The following TPH2 variants were observed in gnomAD, a reference collection of about 807,000 sequenced individuals.
TPH2 encodes the protein tryptophan 5-hydroxylase 2.
TPH2 carries 27 observed loss-of-function variants against 59.1 expected under a neutral mutation model. That is an observed-to-expected ratio of 0.46 (90% CI 0.34 to 0.63). TPH2 has a LOEUF of 0.63. Among genes scored for constraint, TPH2 ranks in the 30% least tolerant of loss-of-function variants. The pLI, the probability that TPH2 is intolerant of heterozygous loss-of-function variation, is 0.01. For missense variants in TPH2, 523 were observed against 588.3 expected (o/e 0.89, Z 1.15); for synonymous variants, 220 against 210.5 (o/e 1.05, Z -0.39).
chr12:71,945,938 A>G (rs1871186614), intron 4 of TPH2, among the ~76,000 whole-genome samples: 3 of 152,232 alleles, frequency 2.0e-5, no homozygotes, highest in Non-Finnish European at 4.4e-5. Flanking sequence ...AGGCTTCTGA[A>G]CATTAGAAAA....
chr12:71,949,953 T>C, intron 5 of TPH2, among the ~76,000 whole-genome samples: 1 of 152,142 alleles, frequency 6.6e-6, no homozygotes, highest in East Asian at 1.9e-4. Context: ...AACTGTGTTT[T>C]AATTTTAATT....
At chr12:72,007,431 T>C (rs1471009694) in intron 8 of TPH2, among the ~76,000 whole-genome samples, 1 of 152,158 alleles carries the variant, frequency 6.6e-6, no homozygotes, top group African/African-American at 2.4e-5. Flanking sequence ...AATAAAGCAA[T>C]AAATTTGGGG....
intron 8 of TPH2, among the ~76,000 whole-genome samples, chr12:72,005,690 A>G (rs1177077191): frequency 6.6e-6 from 1 of 152,188 alleles, no homozygotes; most frequent in Non-Finnish European, 1.5e-5. Flanking sequence ...GGGGTTTGTA[A>G]CTTTCAATCA....
At chr12:71,983,395 C>A (rs1360301826) in intron 7 of TPH2, among the ~76,000 whole-genome samples, 1 of 152,110 alleles carries the variant, frequency 6.6e-6, no homozygotes, top group East Asian at 1.9e-4. Context: ...TAAAAAAAAT[C>A]AATTGGGCCA....
chr12:71,964,807 T>G, intron 5 of TPH2: 1 of 918,716 alleles, frequency 1.1e-6, no homozygotes, highest in Non-Finnish European at 1.3e-6. Flanking sequence ...ACTTTAGGTT[T>G]AGGGGTACAT....
Position 72,022,385 on chromosome 12 carries a change from T to A in TPH2, c.1069-14T>A. ...ATTGACCAGTTCACTGAATATGTGTTCGTTTTTCTTCAGTGCTATTTCTTC... is the reference window on the plus strand; with the variant it reads ...ATTGACCAGTTCACTGAATATGTGTACGTTTTTCTTCAGTGCTATTTCTTC... On this transcript the variant is annotated splice_polypyrimidine_tract_variant and intron_variant, in intron 8 of 10. Coordinates refer to ENST00000333850, the MANE Select transcript of TPH2 (RefSeq NM_173353.4). 6.2e-7 allele frequency: 1 copy of A among 1,604,446 alleles called. No individual in the cohort carries two copies. The highest frequency in any genetic ancestry group is 8.5e-7 in the Non-Finnish European group (1 of 1,171,184).
chr12:72,025,041 C>G (rs1405209674), intron 9 of TPH2, among the ~76,000 whole-genome samples: 3 of 152,102 alleles, frequency 2.0e-5, no homozygotes, highest in East Asian at 1.9e-4. Flanking sequence ...CCCACATTCT[C>G]CTTGCCCTGC....
intron 5 of TPH2, among the ~76,000 whole-genome samples, chr12:71,958,233 C>T (rs1177392605): frequency 1.3e-5 from 2 of 152,130 alleles, no homozygotes; most frequent in East Asian, 3.9e-4. Flanking sequence ...AGGGTCATTT[C>T]CTGGATGGCC....
chr12:71,956,734 C>T (rs1245888761), intron 5 of TPH2, among the ~76,000 whole-genome samples: 1 of 151,912 alleles, frequency 6.6e-6, no homozygotes. Context: ...CTCAGCCTCC[C>T]GAGTAGCTGG....
chr12:71,945,608 GCTCT>G (rs1206403353), intron 4 of TPH2, among the ~76,000 whole-genome samples: 1 of 152,078 alleles, frequency 6.6e-6, no homozygotes, highest in Non-Finnish European at 1.5e-5. Context: ...CTGCGCAGTG[GCTCT>G]CTAAGTGCGA....
intron 8 of TPH2, among the ~76,000 whole-genome samples, chr12:71,996,762 A>T (rs553119933): frequency 6.6e-6 from 1 of 152,310 alleles, no homozygotes; most frequent in East Asian, 1.9e-4. Context: ...ATGGAGGTGG[A>T]TCCTCCTTGT....
At chr12:71,941,355 A>T (rs1566109193) in intron 1 of TPH2, among the ~76,000 whole-genome samples, 1 of 152,122 alleles carries the variant, frequency 6.6e-6, no homozygotes, top group Non-Finnish European at 1.5e-5. Flanking sequence ...ATCCCCTTTT[A>T]ATTTCAACCA....
In TPH2 at chr12:72,004,246, A is replaced by G. The variant is rs1438087765; in HGVS notation, c.1068+9681A>G. Among the ~76,000 whole-genome samples, 2 of 150,700 alleles carry G rather than the reference A, an allele frequency of 1.3e-5. 1 individual carries two copies. Among genetic ancestry groups the G allele is most frequent in the African/African-American group, 4.9e-5 (2 of 41,220 alleles). ...TTGTGCTCAGCTTAGGCACAAAGAA[A>G]CAAATTATATTACCTCTTTTTGTCT... On this transcript the variant is annotated intron_variant, in intron 8 of 10. Coordinates refer to ENST00000333850, the MANE Select transcript of TPH2 (RefSeq NM_173353.4).
At chr12:72,026,374 G>C (rs567378001) in intron 9 of TPH2, among the ~76,000 whole-genome samples, 50 of 152,218 alleles carry the variant, frequency 3.3e-4, no homozygotes, top group African/African-American at 1.2e-3. Context: ...GTGTTGCCTT[G>C]ATATAGCTAT....
intron 6 of TPH2, among the ~76,000 whole-genome samples, chr12:71,976,813 G>C (rs1199355685): frequency 6.6e-6 from 1 of 152,106 alleles, no homozygotes; most frequent in East Asian, 1.9e-4. Context: ...CCATTGTGTG[G>C]TACTCTCCTA....
rs1872171068 is a variant in TPH2, at chr12:71,978,143, G to T, written c.806-809G>T. Among the ~76,000 whole-genome samples, 4 of 151,732 alleles carry T rather than the reference G, an allele frequency of 2.6e-5. 1 individual carries two copies. In the South Asian group the frequency reaches 8.3e-4, roughly 32 times the overall value. Reference sequence around the variant, plus strand: ...TTACACAACAAAATCACCTAACAATGCATTTCCTAGAATGTATCCCCATTG... The same window carrying T: ...TTACACAACAAAATCACCTAACAATTCATTTCCTAGAATGTATCCCCATTG... On this transcript the variant is annotated intron_variant, in intron 6 of 10. Transcript: ENST00000333850.
rs1873724529 is a variant in TPH2 at position 72,031,611 on chromosome 12, T to C, written c.1389T>C (p.Ile463=). The stretch of plus-strand genomic sequence containing the variant: ...AAATTCTGAAAGACACCAGAAGTAT[T>C]GAAAATGTGGTGCAGGACCTTCGCA... ...SIEILKDTRS[I]ENVVQDLRSD... The change falls in exon 11 of 11, where the codon ATT becomes ATC. Residue 463 remains isoleucine, a synonymous_variant. Transcript: ENST00000333850. 6.2e-7 allele frequency: 1 copy of C among 1,613,596 alleles called. No homozygotes were observed. Among genetic ancestry groups the C allele is most frequent in the African/African-American group, 1.3e-5 (1 of 74,982 alleles).
intron 8 of TPH2, among the ~76,000 whole-genome samples, chr12:72,003,763 C>T (rs1400466405): frequency 1.3e-5 from 2 of 152,182 alleles, no homozygotes; most frequent in Non-Finnish European, 2.9e-5. Context: ...GGAAAACAAA[C>T]AGGAGCTCTG....
At chr12:72,028,040 T>G (rs997050265) in intron 9 of TPH2, among the ~76,000 whole-genome samples, 2 of 152,208 alleles carry the variant, frequency 1.3e-5, no homozygotes, top group African/African-American at 4.8e-5. Flanking sequence ...TTCCCAGCCC[T>G]GTGCCCTTGT....
Sources: allele counts gnomAD v4.1 joint callset (sites outside exome capture counted in the v4.1 genomes callset), GRCh38; gene constraint gnomAD v4.1.1; transcripts MANE v1.5; gene names NCBI Gene and HGNC (gene_info 2026-07-23, HGNC 2026-07-21).